ELFN2: variants seen among roughly 807,000 people sequenced by gnomAD.
The protein encoded by ELFN2 is protein phosphatase 1 regulatory subunit 29.
ELFN2 carries 17 observed loss-of-function variants against 45.5 expected under a neutral mutation model. That is an observed-to-expected ratio of 0.37 (90% confidence interval 0.26 to 0.56). The LOEUF is 0.56. Among genes scored for constraint, ELFN2 ranks in the 20% least tolerant of loss-of-function variants. ELFN2 has a pLI of 0.77. For synonymous variants in ELFN2, 550 were observed against 551.5 expected (o/e 1.00, Z 0.04); for missense variants, 922 against 1,183.2 (o/e 0.78, Z 3.24).
intron 2 of ELFN2, among the ~76,000 whole-genome samples, chr22:37,386,181 C>G (rs1473089330): frequency 6.6e-6 from 1 of 152,204 alleles, no homozygotes; most frequent in South Asian, 2.1e-4. Context: ...ACACTGCCAG[C>G]TGGCCTAGCC....
chr22:37,373,084 C>T lies in ELFN2; in HGVS notation c.2451G>A (p.Gln817=), dbSNP rs375521751. The T allele has an allele frequency of 4.4e-6, 7 of 1,594,476 alleles. No individual in the cohort carries two copies. The highest frequency in any genetic ancestry group is 5.1e-6 in the Non-Finnish European group (6 of 1,166,446). Residue 817 remains glutamine, a synonymous_variant, in exon 3 of 3, where the codon CAG becomes CAA. Coordinates refer to ENST00000402918, the MANE Select transcript of ELFN2 (RefSeq NM_052906.5). The stretch of plus-strand genomic sequence containing the variant: ...AGGAAGGGGGGGGTCACAGCTTCTG[C>T]TGGGCGGAGACCCCCTTCCAGTAAT... The part of the protein sequence containing the change: ...ILDYWKGVSA[Q]QKL
Position 37,344,837 on chromosome 22 carries a change from C to T in ELFN2, n.149-2134G>A, listed in dbSNP as rs376685124. Among the ~76,000 whole-genome samples the T allele has an allele frequency of 3.9e-4, 60 of 152,328 alleles. No individual in the cohort carries two copies. The South Asian group carries it at 0.012, about 31-fold the overall frequency. ...CGTCCACGCCTGCTCTCACCCTGCTCCTCAGGTGCGCAGGGGGCGCTGAGG... is the reference window on the plus strand; with the variant it reads ...CGTCCACGCCTGCTCTCACCCTGCTTCTCAGGTGCGCAGGGGGCGCTGAGG... On this transcript the variant is annotated intron_variant and non_coding_transcript_variant, in intron 1 of 2. Coordinates refer to ENST00000452946, the Ensembl canonical transcript of ELFN2.
At chr22:37,401,049 G>A (rs998726520) in intron 2 of ELFN2, among the ~76,000 whole-genome samples, 6 of 152,244 alleles carry the variant, frequency 3.9e-5, no homozygotes, top group South Asian at 2.1e-4. Flanking sequence ...GGAAGCCCAC[G>A]GCTCCAAGGG....
chr22:37,378,827 G>A (rs560531131), intron 2 of ELFN2, among the ~76,000 whole-genome samples: 56 of 152,394 alleles, frequency 3.7e-4, no homozygotes, highest in African/African-American at 1.3e-3. Flanking sequence ...GAGAGGCCAA[G>A]GCAGAGAAGG....
At chr22:37,407,302 T>C (rs907276075) in intron 2 of ELFN2, among the ~76,000 whole-genome samples, 1 of 152,106 alleles carries the variant, frequency 6.6e-6, no homozygotes, top group Admixed American at 6.5e-5. Context: ...TTTTTGGAAA[T>C]CATTTCAGAC....
chr22:37,342,616 AT>A (rs11307026), exon 2 of ELFN2: 62,458 of 151,724 alleles, frequency 0.41, 13,837 homozygotes, highest in African/African-American at 0.57. Context: ...TCTTCTGGAA[AT>A]CCACTCAGAT....
chr22:37,360,114 C>T (rs1360120421), intron 1 of ELFN2, among the ~76,000 whole-genome samples: 1 of 152,138 alleles, frequency 6.6e-6, no homozygotes, highest in Admixed American at 6.5e-5. Context: ...GGGCCTCTTC[C>T]TGTTTTAGCC....
chr22:37,388,012 C>A (rs565629343), intron 2 of ELFN2, among the ~76,000 whole-genome samples: 1 of 151,926 alleles, frequency 6.6e-6, no homozygotes, highest in Admixed American at 6.6e-5. Flanking sequence ...GCACCCACAC[C>A]TCCCCACCTG....
At chr22:37,359,872 A>G (rs530677231) in intron 1 of ELFN2, among the ~76,000 whole-genome samples, 2 of 152,304 alleles carry the variant, frequency 1.3e-5, no homozygotes, top group South Asian at 4.1e-4. Context: ...GGGCTACCCC[A>G]CGGGCAGTGT....
chr22:37,387,954 T>C (rs1437929742), intron 2 of ELFN2, among the ~76,000 whole-genome samples: 1 of 151,200 alleles, frequency 6.6e-6, no homozygotes, highest in African/African-American at 2.4e-5. Flanking sequence ...CCACGGCCCC[T>C]TCCCCCTCCT....
In ELFN2 at chr22:37,373,864, C is replaced by T. The variant is rs1045817678; in HGVS notation, c.1671G>A (p.Leu557=). The change falls in exon 3 of 3, where the codon CTG becomes CTA. Residue 557 remains leucine, a synonymous_variant. Transcript: ENST00000402918. ...IINNCIDALK[L]DSASFLGGGS... is the part of the protein sequence containing the mutation. Reference sequence around the variant, plus strand: ...CGCCTCCCAGAAAAGAGGCCGAGTCCAGCTTGAGAGCATCGATGCAGTTGT... The same window carrying T: ...CGCCTCCCAGAAAAGAGGCCGAGTCTAGCTTGAGAGCATCGATGCAGTTGT... 1.2e-5 allele frequency: 20 copies of T among 1,613,262 alleles called. No individual in the cohort carries two copies. The highest frequency in any genetic ancestry group is 1.6e-5 in the Non-Finnish European group (19 of 1,179,964).
chr22:37,390,667 C>T (rs150925192), intron 2 of ELFN2, among the ~76,000 whole-genome samples: 344 of 152,284 alleles, frequency 2.3e-3, no homozygotes, highest in African/African-American at 8.0e-3. Flanking sequence ...TATAAATACA[C>T]GGGCAGGCTG....
rs545414042 is a variant in ELFN2 at position 37,359,614 on chromosome 22, C to T, written n.149-16911G>A. ...AGGCTTCCGTGCCTCGATACAGCTA[C>T]GTGAAGCAGGAGTAGCTCAATCCAT... On this transcript the variant is annotated intron_variant and non_coding_transcript_variant, in intron 1 of 2. Coordinates refer to ENST00000452946, the Ensembl canonical transcript of ELFN2. Among the ~76,000 whole-genome samples the T allele has an allele frequency of 3.2e-4, 48 of 152,350 alleles. No individual in the cohort carries two copies. The Middle Eastern group carries it at 0.01, about 32-fold the overall frequency.
chr22:37,356,091 G>A (rs1161735061), intron 1 of ELFN2, among the ~76,000 whole-genome samples: 2 of 152,170 alleles, frequency 1.3e-5, no homozygotes, highest in Admixed American at 6.5e-5. Flanking sequence ...AGAGTGAGAC[G>A]GGGGTTGGGA....
At chr22:37,403,764 C>A (rs1932426710) in intron 2 of ELFN2, among the ~76,000 whole-genome samples, 1 of 152,266 alleles carries the variant, frequency 6.6e-6, no homozygotes, top group Non-Finnish European at 1.5e-5. Context: ...ACACAGCCAG[C>A]CATCGGCGGT....
intron 2 of ELFN2, among the ~76,000 whole-genome samples, chr22:37,408,209 T>C (rs937282172): frequency 9.9e-5 from 15 of 152,076 alleles, no homozygotes; most frequent in African/African-American, 3.6e-4. Context: ...GGCTGCACAA[T>C]GGATGTACCA....
intron 1 of ELFN2, among the ~76,000 whole-genome samples, chr22:37,360,784 A>C (rs1345256831): frequency 6.6e-6 from 1 of 152,232 alleles, no homozygotes; most frequent in East Asian, 1.9e-4. Flanking sequence ...AACAGGAGGC[A>C]AGAGCAGCTC....
At chr22:37,366,985 C>T (rs965739683), downstream of ELFN2, among the ~76,000 whole-genome samples, 1 of 152,206 alleles carries the variant, frequency 6.6e-6, no homozygotes, top group Non-Finnish European at 1.5e-5. Context: ...CCCTGTGGGC[C>T]ACCAGAGCCA....
chr22:37,388,047 C>T (rs760885474), intron 2 of ELFN2, among the ~76,000 whole-genome samples: 2 of 151,884 alleles, frequency 1.3e-5, no homozygotes, highest in African/African-American at 4.8e-5. Flanking sequence ...TTGGTGCCGC[C>T]GCCTCCCCCT....
Sources: allele counts gnomAD v4.1 joint callset (sites outside exome capture counted in the v4.1 genomes callset), GRCh38; gene constraint gnomAD v4.1.1; transcripts MANE v1.5; gene names NCBI Gene and HGNC (gene_info 2026-07-23, HGNC 2026-07-21).